The following SWI5 variants were observed in gnomAD, a reference collection of about 807,000 sequenced individuals.
The protein encoded by SWI5 is SWI5 homologous recombination repair protein, also known as DNA repair protein SWI5 homolog.
SWI5 carries 12 observed loss-of-function variants against 17.0 expected under a neutral mutation model. The observed-to-expected ratio is 0.71, with a 90% confidence interval of 0.45 to 1.14. SWI5 has a LOEUF of 1.14. Ranked by LOEUF, SWI5 falls within the 50% of genes most tolerant of loss-of-function variation. The pLI, the probability that SWI5 is intolerant of heterozygous loss-of-function variation, is 0.00. For missense variants in SWI5, 158 were observed against 162.2 expected (o/e 0.97, Z 0.14); for synonymous variants, 61 against 64.0 (o/e 0.95, Z 0.22).
chr9:128,278,641 C>T (rs1240026138), intron 2 of SWI5: 1 of 471,590 alleles, frequency 2.1e-6, no homozygotes, highest in Admixed American at 2.4e-5. Context: ...CAGTTCCTTC[C>T]AGCAACCTTT....
intron 4 of SWI5, among the ~76,000 whole-genome samples, chr9:128,288,234 CG>C (rs1320791355): frequency 6.6e-6 from 1 of 152,086 alleles, no homozygotes; most frequent in East Asian, 1.9e-4. Flanking sequence ...GGGGCAAACT[CG>C]AGCAGTGGGC....
At chr9:128,275,965 T>C (rs754013673), upstream of SWI5, 10 of 1,590,312 alleles carry the variant, frequency 6.3e-6, 1 homozygote, top group Admixed American at 1.3e-4. Flanking sequence ...GGAGGCGGGG[T>C]TGGGGCCACA....
At chr9:128,276,997 T>C (rs1489870031) in intron 2 of SWI5, among the ~76,000 whole-genome samples, 1 of 152,046 alleles carries the variant, frequency 6.6e-6, no homozygotes, top group East Asian at 1.9e-4. Context: ...CTCCCCATCC[T>C]GTCTCCTGGC....
chr9:128,276,619 A>ACTG, intron 1 of SWI5, 88 bp from the exon 2 acceptor site: 1 of 1,611,328 alleles, frequency 6.2e-7, no homozygotes, highest in South Asian at 1.1e-5. Flanking sequence ...CTACTTCCCA[A>ACTG]CTGCTCCTCC....
At chr9:128,288,683 G>C in exon 5 of SWI5, 1 of 1,614,148 alleles carries the variant, frequency 6.2e-7, no homozygotes, top group Non-Finnish European at 8.5e-7. Flanking sequence ...CCAAAGAGTT[G>C]TATCCAGAGT....
At chr9:128,284,792 C>T (rs972840580) in intron 3 of SWI5, among the ~76,000 whole-genome samples, 161 bp downstream of exon 3, 2 of 151,720 alleles carry the variant, frequency 1.3e-5, no homozygotes, top group African/African-American at 4.8e-5. Flanking sequence ...CCTGTCTCTA[C>T]TAAAAATACA....
At chr9:128,279,420 G>A (rs565309064) in intron 2 of SWI5, among the ~76,000 whole-genome samples, 4 of 152,294 alleles carry the variant, frequency 2.6e-5, no homozygotes, top group Admixed American at 2.6e-4. Context: ...AACAAGGGGG[G>A]CAGGGTAAGG....
chr9:128,288,497 A>T (rs1160230479), intron 4 of SWI5, among the ~76,000 whole-genome samples, 155 bp from the exon 5 acceptor site: 2 of 152,144 alleles, frequency 1.3e-5, no homozygotes, highest in Non-Finnish European at 2.9e-5. Context: ...CAGGGAGCTT[A>T]CCTTGGCCAG....
chr9:128,282,396 G>GA (rs770513126), intron 2 of SWI5, among the ~76,000 whole-genome samples: 215 of 151,972 alleles, frequency 1.4e-3, no homozygotes, highest in Non-Finnish European at 2.5e-3. Context: ...AAAAAAAAAA[G>GA]AAAAATTAAA....
At chr9:128,280,936 A>G (rs796069099) in intron 2 of SWI5, among the ~76,000 whole-genome samples, 11 of 143,630 alleles carry the variant, frequency 7.7e-5, no homozygotes, top group African/African-American at 2.9e-4. Context: ...ATACACATTC[A>G]CCCCTGGGTA....
At chr9:128,284,435 G>T (rs1405535503) in intron 2 of SWI5, 75 bp from the exon 3 acceptor site, 4 of 1,538,570 alleles carry the variant, frequency 2.6e-6, no homozygotes, top group Non-Finnish European at 3.5e-6. Context: ...AGCAGGGAGT[G>T]ACTACTGGGG....
chr9:128,278,821 G>A, intron 2 of SWI5: 1 of 375,806 alleles, frequency 2.7e-6, no homozygotes, highest in Non-Finnish European at 5.3e-6. Context: ...CGCCCAGGCT[G>A]GAATGCAATG....
chr9:128,276,057 G>C, upstream of SWI5: 2 of 1,586,708 alleles, frequency 1.3e-6, no homozygotes, highest in Middle Eastern at 1.8e-4. Context: ...GCGTAACCAG[G>C]GCGATACTGG....
At chr9:128,283,990 TAA>T (rs59062263) in intron 2 of SWI5, among the ~76,000 whole-genome samples, 2 of 145,722 alleles carry the variant, frequency 1.4e-5, no homozygotes, top group Admixed American at 6.9e-5. Context: ...AAGACCCTAT[TAA>T]AAAAAAAAAA....
At chr9:128,276,037 G>C, upstream of SWI5, 1 of 1,589,418 alleles carries the variant, frequency 6.3e-7, no homozygotes, top group East Asian at 2.2e-5. Context: ...GTGCGACGGA[G>C]CCAGAGGAGG....
Position 128,285,248 on chromosome 9 carries a change from AGGG to A in SWI5, c.233+621_233+623del, listed in dbSNP as rs961627404. Among the ~76,000 whole-genome samples the A allele has an allele frequency of 9.4e-5, 14 of 149,620 alleles. No individual in the cohort carries two copies. Among genetic ancestry groups the A allele is most frequent in the African/African-American group, 3.4e-4 (14 of 40,884 alleles). On this transcript the variant is annotated intron_variant, in intron 3 of 4. Coordinates refer to ENST00000418976, the Ensembl canonical transcript of SWI5. This position sits in a 1 kb window ranked among gnomAD's most constrained non-coding sequence, Gnocchi z 4.8. ...GAAAGAAAGGAAGGGAAAGAAGGAA[AGGG>A]GGGAAGGAAAGGGAAGGAAGGAAGG...
intron 2 of SWI5, among the ~76,000 whole-genome samples, chr9:128,280,992 A>G (rs997450909): frequency 6.6e-6 from 1 of 151,556 alleles, no homozygotes; most frequent in African/African-American, 2.4e-5. Flanking sequence ...ATGACCAGGA[A>G]AAAAAGGCTA....
At chr9:128,276,620 C>A (rs1282562966) in intron 1 of SWI5, 87 bp from the exon 2 acceptor site, 2 of 1,612,600 alleles carry the variant, frequency 1.2e-6, no homozygotes, top group Non-Finnish European at 1.7e-6. Flanking sequence ...TACTTCCCAA[C>A]TGCTCCTCCT....
intron 2 of SWI5, among the ~76,000 whole-genome samples, chr9:128,277,027 C>T (rs964119011): frequency 6.6e-6 from 1 of 152,140 alleles, no homozygotes; most frequent in African/African-American, 2.4e-5. Flanking sequence ...GCCTTTCACT[C>T]CAGTCCAGCA....
Sources: allele counts gnomAD v4.1 joint callset (sites outside exome capture counted in the v4.1 genomes callset), GRCh38; gene constraint gnomAD v4.1.1; non-coding constraint Gnocchi (gnomAD v3.1); transcripts MANE v1.5; gene names NCBI Gene and HGNC (gene_info 2026-07-23, HGNC 2026-07-21).